MACROD2: variants seen among roughly 807,000 people sequenced by gnomAD.
The protein encoded by MACROD2 is mono-ADP ribosylhydrolase 2.
In MACROD2, 36 loss-of-function variants were observed where a neutral mutation model predicts 70.4. The observed-to-expected ratio is 0.51, with a 90% CI of 0.39 to 0.68. The LOEUF is 0.68. MACROD2 is among the 30% of genes least tolerant of loss of function. MACROD2 has a pLI of 0.00. For synonymous variants in MACROD2, 172 were observed against 178.8 expected (o/e 0.96, Z 0.30); for missense variants, 496 against 538.4 (o/e 0.92, Z 0.78).
intron 3 of MACROD2, among the ~76,000 whole-genome samples, chr20:14,332,691 C>T (rs779787481): frequency 3.3e-5 from 5 of 152,032 alleles, no homozygotes; most frequent in Non-Finnish European, 7.4e-5. Flanking sequence ...AATCTAATGG[C>T]ATGTAGAACT....
chr20:14,733,592 A>G (rs919106553), intron 5 of MACROD2, among the ~76,000 whole-genome samples: 2 of 152,110 alleles, frequency 1.3e-5, no homozygotes, highest in Non-Finnish European at 2.9e-5. Context: ...AAATGAATTC[A>G]TAGATGGTAA....
chr20:15,882,633 C>T (rs1360688997), intron 9 of MACROD2, among the ~76,000 whole-genome samples: 1 of 151,996 alleles, frequency 6.6e-6, no homozygotes. Context: ...GAAGGTCCCT[C>T]ATATTTCAGG....
chr20:14,851,815 AAAAC>A (rs1435652607), intron 5 of MACROD2, among the ~76,000 whole-genome samples: 3 of 152,230 alleles, frequency 2.0e-5, no homozygotes, highest in African/African-American at 7.2e-5. Flanking sequence ...CACAGAAAAC[AAAAC>A]AGTGTCATAA....
At chr20:15,317,495 A>G (rs1438130718) in intron 6 of MACROD2, among the ~76,000 whole-genome samples, 2 of 141,478 alleles carry the variant, frequency 1.4e-5, no homozygotes, top group African/African-American at 5.3e-5. Flanking sequence ...CTATCTATCT[A>G]TCTATCTATC....
chr20:14,043,341 C>T (rs1189340165), intron 2 of MACROD2, among the ~76,000 whole-genome samples: 4 of 152,108 alleles, frequency 2.6e-5, no homozygotes, highest in African/African-American at 9.7e-5. Flanking sequence ...ACACATTTAC[C>T]AGTTTATTAT....
At chr20:15,167,061 G>A (rs899776995) in intron 5 of MACROD2, among the ~76,000 whole-genome samples, 7 of 151,602 alleles carry the variant, frequency 4.6e-5, no homozygotes, top group Non-Finnish European at 8.8e-5. Context: ...TGAACTTATT[G>A]TCTACATAGA....
chr20:15,813,729 T>A (rs1399572451), intron 8 of MACROD2, among the ~76,000 whole-genome samples: 1 of 152,144 alleles, frequency 6.6e-6, no homozygotes, highest in Non-Finnish European at 1.5e-5. Flanking sequence ...CAGTGAGCAG[T>A]GACTGGGCCA....
chr20:15,872,422 T>C (rs185683103), intron 9 of MACROD2, among the ~76,000 whole-genome samples: 1 of 152,280 alleles, frequency 6.6e-6, no homozygotes, highest in East Asian at 1.9e-4. Flanking sequence ...CAAAAGCATC[T>C]ATGGTAAAGG....
At position 15,465,557 on chromosome 20, in the gene MACROD2, T is replaced by C. The variant is rs201664525; in HGVS notation, c.571+34122T>C. On this transcript the variant is annotated intron_variant, in intron 7 of 17. Coordinates refer to ENST00000684519, the MANE Select transcript of MACROD2 (RefSeq NM_001351661.2). Reference sequence around the variant, plus strand: ...ACTTTAGAACAGATGAATACACATTTCCTAGATTCCTTGAGGGGAGCGCCA... The same window carrying C: ...ACTTTAGAACAGATGAATACACATTCCCTAGATTCCTTGAGGGGAGCGCCA... 2.6e-5 allele frequency among the ~76,000 whole-genome samples: 4 copies of C among 152,258 alleles called. No homozygotes were observed. The East Asian group carries it at 7.7e-4, about 29-fold the overall frequency.
At chr20:15,192,201 G>A (rs111896172) in intron 5 of MACROD2, among the ~76,000 whole-genome samples, 119 of 150,736 alleles carry the variant, frequency 7.9e-4, no homozygotes, top group South Asian at 4.2e-3. Flanking sequence ...CTTCCTCTCC[G>A]CCTCTTCCTT....
At chr20:15,164,442 G>A (rs463693) in intron 5 of MACROD2, among the ~76,000 whole-genome samples, 52,640 of 151,766 alleles carry the variant, frequency 0.35, 9,963 homozygotes, top group East Asian at 0.55. Flanking sequence ...GTAATTTATT[G>A]GTTAAAAATC....
At chr20:14,613,237 A>G (rs1983279448) in intron 4 of MACROD2, among the ~76,000 whole-genome samples, 1 of 152,158 alleles carries the variant, frequency 6.6e-6, no homozygotes, top group Non-Finnish European at 1.5e-5. Flanking sequence ...ATGAATGTAT[A>G]TGAGAAATAC....
chr20:15,699,808 T>C (rs1473223574), intron 8 of MACROD2, among the ~76,000 whole-genome samples: 4 of 152,196 alleles, frequency 2.6e-5, no homozygotes, highest in Non-Finnish European at 5.9e-5. Flanking sequence ...AAAGTTCGAC[T>C]AGAGAATTCC....
At chr20:15,166,898 ATTAAT>A (rs1568612705) in intron 5 of MACROD2, among the ~76,000 whole-genome samples, 2 of 150,254 alleles carry the variant, frequency 1.3e-5, no homozygotes, top group East Asian at 2.0e-4. Context: ...AGTATTAAGT[ATTAAT>A]TTAAGTATTT....
intron 15 of MACROD2, among the ~76,000 whole-genome samples, chr20:16,030,134 GA>G (rs1188492853): frequency 6.6e-6 from 1 of 152,194 alleles, no homozygotes; most frequent in Non-Finnish European, 1.5e-5. Context: ...ATGTTGAATT[GA>G]AGGAATTATC....
chr20:14,940,931 CTCT>C (rs113669926), intron 5 of MACROD2, among the ~76,000 whole-genome samples: 33,213 of 151,872 alleles, frequency 0.22, 4,366 homozygotes, highest in African/African-American at 0.37. Flanking sequence ...GATATATTCC[CTCT>C]TCTTTAATTT....
At chr20:15,309,357 CA>C (rs2077729133) in intron 6 of MACROD2, among the ~76,000 whole-genome samples, 1 of 152,270 alleles carries the variant, frequency 6.6e-6, no homozygotes, top group African/African-American at 2.4e-5. Context: ...TTCCCTCTAG[CA>C]GGGGGAAAGG....
chr20:15,239,280 A>C (rs1029128633), intron 6 of MACROD2, among the ~76,000 whole-genome samples: 2 of 152,050 alleles, frequency 1.3e-5, no homozygotes, highest in African/African-American at 2.4e-5. Flanking sequence ...AGAACAAGTA[A>C]AAACAATAAA....
At chr20:14,786,478 G>GT (rs1156479670) in intron 5 of MACROD2, among the ~76,000 whole-genome samples, 2 of 151,666 alleles carry the variant, frequency 1.3e-5, no homozygotes, top group Non-Finnish European at 2.9e-5. Flanking sequence ...GCTGGCCAAA[G>GT]TTGTCTCTTT....
Sources: allele counts gnomAD v4.1 joint callset (sites outside exome capture counted in the v4.1 genomes callset), GRCh38; gene constraint gnomAD v4.1.1; transcripts MANE v1.5; gene names NCBI Gene and HGNC (gene_info 2026-07-23, HGNC 2026-07-21).